Variants in QTGAL observed in about 807,000 individuals in gnomAD.
QTGAL encodes queuosine-tRNA galactosyltransferase, also known as BGnT-like protein 1.
the QTGAL span, among the ~76,000 whole-genome samples, chr17:82,970,894 G>C: frequency 6.6e-6 from 1 of 152,212 alleles, no homozygotes; most frequent in Non-Finnish European, 1.5e-5. Flanking sequence ...TTTGCGGGGG[G>C]CCTCAGGCTG....
chr17:83,041,542 G>A, the QTGAL span, among the ~76,000 whole-genome samples: 52 of 152,288 alleles, frequency 3.4e-4, no homozygotes, highest in East Asian at 8.7e-3. Context: ...AAGATTAACC[G>A]CTTACTTCTC....
chr17:83,045,864 G>C, the QTGAL span, among the ~76,000 whole-genome samples: 4 of 150,066 alleles, frequency 2.7e-5, no homozygotes, highest in African/African-American at 1.0e-4. Flanking sequence ...TGCCAGGCTG[G>C]AGTCCAATGG....
chr17:82,947,053 A>C, the QTGAL span: 1 of 1,389,702 alleles, frequency 7.2e-7, no homozygotes, highest in Non-Finnish European at 1.0e-6. Context: ...AGCCTCCTCC[A>C]GGGCCAGGGG....
chr17:82,959,398 T>C, the QTGAL span, among the ~76,000 whole-genome samples: 1 of 78,720 alleles, frequency 1.3e-5, no homozygotes, highest in Non-Finnish European at 2.9e-5. Flanking sequence ...GTGCAGTGAG[T>C]ACGTGTGTAT....
At chr17:83,035,396 C>G in the QTGAL span, among the ~76,000 whole-genome samples, 4 of 152,044 alleles carry the variant, frequency 2.6e-5, no homozygotes, top group Non-Finnish European at 5.9e-5. Flanking sequence ...CTCGAACTCC[C>G]AACCTCAGGT....
chr17:82,967,792 G>C, the QTGAL span, among the ~76,000 whole-genome samples: 1 of 151,776 alleles, frequency 6.6e-6, no homozygotes, highest in Non-Finnish European at 1.5e-5. Flanking sequence ...TAAAGTAGCT[G>C]GGCATGGTGA....
chr17:83,005,659 G>A, the QTGAL span: 55 of 704,258 alleles, frequency 7.8e-5, no homozygotes, highest in Non-Finnish European at 1.3e-4. The surrounding 1 kb of genome is among the most constrained non-coding windows in gnomAD (Gnocchi z 5.6). Context: ...TTCAGCTCAG[G>A]AAAGCAGCGT....
the QTGAL span, among the ~76,000 whole-genome samples, chr17:82,966,768 G>A: frequency 6.6e-6 from 1 of 152,220 alleles, no homozygotes; most frequent in Non-Finnish European, 1.5e-5. Flanking sequence ...TATGGGGTAG[G>A]CAAAGGTTTC....
the QTGAL span, among the ~76,000 whole-genome samples, chr17:83,010,989 C>T: frequency 3.1e-4 from 47 of 152,382 alleles, no homozygotes; most frequent in South Asian, 7.9e-3. Context: ...GGCTGTACCC[C>T]GAGGACTGGT....
At chr17:83,051,727 T>C in the QTGAL span, 4 of 1,489,308 alleles carry the variant, frequency 2.7e-6, no homozygotes, top group African/African-American at 1.5e-5. Flanking sequence ...CCCTCCCCGC[T>C]GGCACCTACC....
the QTGAL span, among the ~76,000 whole-genome samples, chr17:83,019,311 A>C: frequency 6.6e-6 from 1 of 152,262 alleles, no homozygotes; most frequent in African/African-American, 2.4e-5. Flanking sequence ...AAAGACAGCC[A>C]GGCTTATAAG....
chr17:83,028,504 G>A, the QTGAL span, among the ~76,000 whole-genome samples: 2 of 133,282 alleles, frequency 1.5e-5, no homozygotes, highest in African/African-American at 5.8e-5. Flanking sequence ...CAGCCTGGGC[G>A]ACAGCGAGAC....
chr17:82,961,058 C>A, the QTGAL span: 1 of 1,608,734 alleles, frequency 6.2e-7, no homozygotes, highest in Non-Finnish European at 8.5e-7. Flanking sequence ...CTGACTCACT[C>A]GAGGACGCAG....
the QTGAL span, among the ~76,000 whole-genome samples, chr17:83,001,432 GGAA>G: frequency 2.6e-5 from 4 of 152,130 alleles, no homozygotes; most frequent in Admixed American, 6.5e-5. Flanking sequence ...GAAGAAAAAA[GGAA>G]GAAGATGAGA....
the QTGAL span, among the ~76,000 whole-genome samples, chr17:83,047,917 A>G: frequency 6.6e-6 from 1 of 152,104 alleles, no homozygotes; most frequent in Non-Finnish European, 1.5e-5. Context: ...ACCAAACAAT[A>G]AAAAATTTTA....
At chr17:83,002,186 A>C in the QTGAL span, among the ~76,000 whole-genome samples, 1 of 152,172 alleles carries the variant, frequency 6.6e-6, no homozygotes, top group African/African-American at 2.4e-5. Context: ...TGAAAATAAA[A>C]AACTCTTCTA....
the QTGAL span, among the ~76,000 whole-genome samples, chr17:82,959,480 G>A: frequency 6.6e-6 from 1 of 151,992 alleles, no homozygotes; most frequent in Admixed American, 6.6e-5. Flanking sequence ...GTGTGTGTGT[G>A]AGAACCTGGG....
the QTGAL span, among the ~76,000 whole-genome samples, chr17:82,970,520 C>CCACCCAGCGTGGACATGACCTCCG: frequency 0.02 from 1,798 of 90,680 alleles, 168 homozygotes; most frequent in Admixed American, 0.045. Context: ...CAGGTCCTCC[C>CCACCCAGCGTGGACATGACCTCCG]CACCCAGCGT....
the QTGAL span, chr17:82,942,427 GCTTGT>G: frequency 6.2e-7 from 1 of 1,613,846 alleles, no homozygotes; most frequent in Non-Finnish European, 8.5e-7. Flanking sequence ...ACCAGCCTGA[GCTTGT>G]CTTGTCTCTT....
Sources: allele counts gnomAD v4.1 joint callset (sites outside exome capture counted in the v4.1 genomes callset), GRCh38; gene constraint gnomAD v4.1.1; non-coding constraint Gnocchi (gnomAD v3.1); transcripts MANE v1.5; gene names NCBI Gene and HGNC (gene_info 2026-07-23, HGNC 2026-07-21).